Variants in SUPT3H observed in about 807,000 individuals in gnomAD.
The protein encoded by SUPT3H is transcription initiation protein SPT3 homolog.
SUPT3H carries 44 observed loss-of-function variants against 44.3 expected under a neutral mutation model. The ratio of observed to expected loss-of-function variants is 0.99; its 90% CI spans 0.78 to 1.28. The LOEUF is 1.28. Among genes scored for constraint, SUPT3H ranks in the 50% most tolerant of loss-of-function variants. The pLI is 0.00. For missense variants in SUPT3H, 380 were observed against 387.1 expected, an observed-to-expected ratio of 0.98 and a Z score of 0.15; for synonymous variants, 124 against 125.6, an observed-to-expected ratio of 0.99 and a Z score of 0.09.
chr6:45,107,020 A>T (rs1353644470), intron 2 of SUPT3H, among the ~76,000 whole-genome samples: 2 of 152,216 alleles, frequency 1.3e-5, no homozygotes, highest in Non-Finnish European at 2.9e-5. Flanking sequence ...ATTTATGTAA[A>T]TACCATTGAA....
At chr6:44,813,864 TAAA>T (rs1438917250) in intron 11 of SUPT3H, among the ~76,000 whole-genome samples, 3 of 151,822 alleles carry the variant, frequency 2.0e-5, no homozygotes, top group Non-Finnish European at 4.4e-5. Context: ...AATGTATGGT[TAAA>T]AAAATAAGTC....
At chr6:44,894,880 T>A (rs1763879833) in intron 10 of SUPT3H, among the ~76,000 whole-genome samples, 1 of 151,844 alleles carries the variant, frequency 6.6e-6, no homozygotes, top group Non-Finnish European at 1.5e-5. Flanking sequence ...ATATAAAAAT[T>A]GAACAATCTA....
intron 2 of SUPT3H, among the ~76,000 whole-genome samples, chr6:45,249,068 C>T (rs1033059663): frequency 2.6e-5 from 4 of 152,018 alleles, no homozygotes; most frequent in African/African-American, 7.2e-5. Flanking sequence ...ACTTAGAAAC[C>T]ACGTGATATC....
intron 9 of SUPT3H, among the ~76,000 whole-genome samples, chr6:44,950,323 G>A (rs1774087428): frequency 6.6e-6 from 1 of 152,162 alleles, no homozygotes; most frequent in Non-Finnish European, 1.5e-5. Context: ...TCACATCACA[G>A]TATTGGCTCC....
chr6:45,154,799 AT>A (rs1440584831), intron 2 of SUPT3H, among the ~76,000 whole-genome samples: 8 of 152,138 alleles, frequency 5.3e-5, no homozygotes, highest in Non-Finnish European at 1.0e-4. Context: ...TTCTCTTGCA[AT>A]TCCCCTGTGT....
intron 2 of SUPT3H, among the ~76,000 whole-genome samples, chr6:45,214,015 C>CAAAA (rs11418358): frequency 0.023 from 1,720 of 73,912 alleles, 88 homozygotes; most frequent in East Asian, 0.073. Flanking sequence ...TTTTGAAATG[C>CAAAA]AAAAAAAAAA....
chr6:45,226,431 T>C (rs972336417), intron 2 of SUPT3H, among the ~76,000 whole-genome samples: 1 of 152,138 alleles, frequency 6.6e-6, no homozygotes, highest in Non-Finnish European at 1.5e-5. Flanking sequence ...GCTGTGCTGG[T>C]AAAATAGGCT....
rs558508028 is a variant in SUPT3H, at chr6:45,206,900, C to T, written c.102-100894G>A. Among the ~76,000 whole-genome samples, 4 of 152,138 alleles carry T rather than the reference C, an allele frequency of 2.6e-5. No individual in the cohort carries two copies. The East Asian group carries it at 7.7e-4, about 29-fold the overall frequency. ...AAATTTGAGAAATCTACCAGACATT[C>T]AAGTGGAGAGAGAGGTATAGTACTG... On this transcript the variant is annotated intron_variant, in intron 2 of 10. Coordinates refer to ENST00000371459, the MANE Select transcript of SUPT3H (RefSeq NM_003599.4).
chr6:44,953,526 G>T, intron 8 of SUPT3H, 109 bp from the exon 9 acceptor site: 2 of 834,122 alleles, frequency 2.4e-6, no homozygotes, highest in Middle Eastern at 2.3e-4. Context: ...AATCCTGCTT[G>T]CCTAAAAATC....
intron 1 of SUPT3H, among the ~76,000 whole-genome samples, chr6:45,375,215 A>G (rs1796614232): frequency 6.6e-6 from 1 of 152,238 alleles, no homozygotes; most frequent in African/African-American, 2.4e-5. Context: ...CTCAAAAATA[A>G]TAAAGTATTT....
At chr6:45,137,885 A>G (rs934423695) in intron 2 of SUPT3H, among the ~76,000 whole-genome samples, 4 of 152,020 alleles carry the variant, frequency 2.6e-5, no homozygotes, top group Non-Finnish European at 5.9e-5. Context: ...TTAAAATGAA[A>G]AACTTTTTCA....
At chr6:45,229,978 T>TC (rs984705995) in intron 2 of SUPT3H, among the ~76,000 whole-genome samples, 2 of 152,136 alleles carry the variant, frequency 1.3e-5, no homozygotes, top group Non-Finnish European at 2.9e-5. Flanking sequence ...ATGGTCCCTT[T>TC]CCCCCACCCT....
chr6:44,876,561 C>T (rs1017799858), intron 10 of SUPT3H, among the ~76,000 whole-genome samples: 18 of 146,646 alleles, frequency 1.2e-4, no homozygotes, highest in Admixed American at 3.4e-4. Flanking sequence ...CTAGATGATA[C>T]GTTAGTGGGT....
At chr6:45,236,741 C>G (rs1018381526) in intron 2 of SUPT3H, among the ~76,000 whole-genome samples, 2 of 151,046 alleles carry the variant, frequency 1.3e-5, no homozygotes, top group South Asian at 4.2e-4. Flanking sequence ...TTAGAATACA[C>G]CCCCCGAGAT....
intron 9 of SUPT3H, among the ~76,000 whole-genome samples, chr6:44,935,199 C>A (rs915670773): frequency 6.6e-6 from 1 of 151,832 alleles, no homozygotes; most frequent in Non-Finnish European, 1.5e-5. Context: ...AATATCTTCA[C>A]ATTCTCTTTG....
chr6:45,144,329 A>C (rs1358347506), intron 2 of SUPT3H, among the ~76,000 whole-genome samples: 3 of 152,126 alleles, frequency 2.0e-5, no homozygotes, highest in Non-Finnish European at 4.4e-5. Context: ...ACAGCATATA[A>C]AAAAGATAAT....
intron 2 of SUPT3H, among the ~76,000 whole-genome samples, chr6:45,313,920 A>G (rs1427668904): frequency 2.0e-5 from 3 of 152,226 alleles, no homozygotes; most frequent in Non-Finnish European, 4.4e-5. Context: ...CAAATCCAGT[A>G]ACACATCAAA....
chr6:45,300,757 T>C (rs991667695), intron 2 of SUPT3H, among the ~76,000 whole-genome samples: 1 of 152,182 alleles, frequency 6.6e-6, no homozygotes. Flanking sequence ...TTTTAAATTA[T>C]GTATACCTGA....
At chr6:45,064,066 C>T (rs1269881376) in intron 3 of SUPT3H, among the ~76,000 whole-genome samples, 62 of 52,298 alleles carry the variant, frequency 1.2e-3, no homozygotes, top group South Asian at 2.5e-3. Context: ...AGAGAAAGGT[C>T]GGGTTACCCT....
Sources: allele counts gnomAD v4.1 joint callset (sites outside exome capture counted in the v4.1 genomes callset), GRCh38; gene constraint gnomAD v4.1.1; transcripts MANE v1.5; gene names NCBI Gene and HGNC (gene_info 2026-07-23, HGNC 2026-07-21).